Variants in PKP1 observed in about 807,000 individuals in gnomAD.
PKP1 encodes plakophilin 1.
In PKP1, 27 loss-of-function variants were observed where a neutral mutation model predicts 76.4. The observed-to-expected ratio is 0.35, with a 90% CI of 0.26 to 0.49. The LOEUF is 0.49. PKP1 is among the 20% of genes least tolerant of loss of function. The pLI is 0.99. For synonymous variants in PKP1, 404 were observed against 384.2 expected (o/e 1.05, Z -0.60); for missense variants, 964 against 955.2 (o/e 1.01, Z -0.12).
chr1:201,324,856 C>T (rs554942108), intron 10 of PKP1, 85 bp from the exon 11 acceptor site: 3 of 1,350,644 alleles, frequency 2.2e-6, no homozygotes, highest in Admixed American at 1.8e-5. Flanking sequence ...AGAAGGCTAT[C>T]GAAGAGTGTG....
intron 13 of PKP1, 63 bp downstream of exon 13, chr1:201,328,931 A>G (rs1657230499): frequency 9.9e-7 from 1 of 1,010,466 alleles, no homozygotes; most frequent in South Asian, 1.3e-5. Context: ...AGCCAGTCTC[A>G]GAGACAAGGG....
intron 2 of PKP1, among the ~76,000 whole-genome samples, chr1:201,297,497 C>T (rs1656108940): frequency 6.6e-6 from 1 of 152,208 alleles, no homozygotes; most frequent in African/African-American, 2.4e-5. Flanking sequence ...GAGCCCAACA[C>T]TGTTTGCATT....
intron 1 of PKP1, among the ~76,000 whole-genome samples, chr1:201,290,060 C>A (rs538886511): frequency 6.6e-6 from 1 of 152,064 alleles, no homozygotes; most frequent in Non-Finnish European, 1.5e-5. Context: ...GGTTTTGAGG[C>A]GAGAAAGCTT....
At chr1:201,294,972 C>T (rs1656030990) in intron 2 of PKP1, among the ~76,000 whole-genome samples, 1 of 152,188 alleles carries the variant, frequency 6.6e-6, no homozygotes, top group African/African-American at 2.4e-5. Context: ...CTATGACTTT[C>T]ATTTACTTTC....
Position 201,320,249 on chromosome 1 carries a change from C to T in PKP1, c.1233-18C>T. 1 of 1,551,160 alleles carries T rather than the reference C, an allele frequency of 6.4e-7. No homozygotes were observed. The highest frequency in any genetic ancestry group is 8.9e-7 in the Non-Finnish European group (1 of 1,123,032). The stretch of plus-strand genomic sequence containing the variant: ...TTCCCCCTTTCTCTGCCCTCTTCCA[C>T]CCTCTTCTCTCCCCCAGGAACCTGA... On this transcript the variant is annotated intron_variant, in intron 6 of 13. Coordinates refer to ENST00000367324, the MANE Select transcript of PKP1 (RefSeq NM_001005337.3).
intron 2 of PKP1, among the ~76,000 whole-genome samples, chr1:201,296,432 C>G (rs1022660792): frequency 8.5e-5 from 13 of 152,196 alleles, no homozygotes; most frequent in African/African-American, 3.1e-4. Flanking sequence ...ACCAATATGG[C>G]AGCAGAAGGC....
chr1:201,303,537 TAATA>T lies in PKP1; in HGVS notation c.306+9497_306+9500del, dbSNP rs1656293618. Among the ~76,000 whole-genome samples, 6 of 152,390 alleles carry T rather than the reference TAATA, an allele frequency of 3.9e-5. No homozygotes were observed. In the South Asian group the frequency reaches 1.2e-3, roughly 32 times the overall value. On this transcript the variant is annotated intron_variant, in intron 2 of 13. Transcript: ENST00000367324. ...TAACCACAACCTTGGTAATCAATTA[TAATA>T]AATAGAATAAAAACATAACATTAAT...
intron 2 of PKP1, among the ~76,000 whole-genome samples, chr1:201,308,839 C>T (rs894617514): frequency 4.6e-5 from 7 of 152,116 alleles, no homozygotes; most frequent in African/African-American, 7.2e-5. Context: ...GTGATGGCAT[C>T]GCAAGGCAGG....
intron 2 of PKP1, among the ~76,000 whole-genome samples, chr1:201,309,125 C>A (rs2102169208): frequency 6.6e-6 from 1 of 152,166 alleles, no homozygotes; most frequent in South Asian, 2.1e-4. Flanking sequence ...ATATTCAGTT[C>A]TTTGAGGCCC....
In PKP1 at chr1:201,302,553, G is replaced by A. The variant is rs569857234; in HGVS notation, c.306+8508G>A. ...ACAAATGCAGCAGAATTTCCCAAGC[G>A]GGTGGAAGAGCCGTCCCCACCCTTT... On this transcript the variant is annotated intron_variant, in intron 2 of 13. Transcript: ENST00000367324. Among the ~76,000 whole-genome samples the A allele has an allele frequency of 1.6e-4, 24 of 152,326 alleles. No homozygotes were observed. In the Middle Eastern group the frequency reaches 0.014, roughly 86 times the overall value.
In PKP1 at chr1:201,318,761, C is replaced by G. The variant is rs1404802260; in HGVS notation, c.1198C>G (p.Pro400Ala). Reference sequence around the variant, plus strand: ...CAACATGTCCCGGGAAGTGGTGGACCCTGAGGTCTTCTTCAATGCCACAGG... The same window carrying G: ...CAACATGTCCCGGGAAGTGGTGGACGCTGAGGTCTTCTTCAATGCCACAGG... Reference protein sequence around the residue: ...NSNMSREVVDPEVFFNATGCL... With the variant: ...NSNMSREVVDAEVFFNATGCL... The change falls in exon 6 of 14, where the codon CCT becomes GCT. Residue 400 changes from proline to alanine, a missense_variant. Physicochemically the swap from Pro to Ala is conservative, Grantham distance 27. Coordinates refer to ENST00000367324, the MANE Select transcript of PKP1 (RefSeq NM_001005337.3). 9.9e-6 allele frequency: 16 copies of G among 1,610,008 alleles called. No homozygotes were observed. The highest frequency in any genetic ancestry group is 3.3e-5 in the South Asian group (3 of 90,426).
chr1:201,289,489 G>A (rs1655837827), intron 1 of PKP1, among the ~76,000 whole-genome samples: 1 of 152,188 alleles, frequency 6.6e-6, no homozygotes, highest in Non-Finnish European at 1.5e-5. Flanking sequence ...AAGGATTTGA[G>A]GGGAGGGAAA....
chr1:201,283,953 C>T, intron 1 of PKP1, 49 bp downstream of exon 1: 1 of 1,538,698 alleles, frequency 6.5e-7, no homozygotes. Flanking sequence ...CCAGAGCACC[C>T]TGGCCCAGTG....
At chr1:201,312,951 G>A (rs1226626671) in intron 2 of PKP1, among the ~76,000 whole-genome samples, 14 of 152,148 alleles carry the variant, frequency 9.2e-5, no homozygotes, top group Admixed American at 9.2e-4. Flanking sequence ...GATGGCCATA[G>A]TCTTCTAAAT....
At chr1:201,295,894 A>G (rs951704049) in intron 2 of PKP1, among the ~76,000 whole-genome samples, 13 of 152,074 alleles carry the variant, frequency 8.5e-5, no homozygotes, top group Non-Finnish European at 1.6e-4. Flanking sequence ...AAAGAAAAAA[A>G]AAAAATCTTC....
At position 201,325,736 on chromosome 1, in the gene PKP1, C is replaced by G. The variant is rs376830386; in HGVS notation, c.2022-18C>G. 34 of 1,595,964 alleles carry G rather than the reference C, an allele frequency of 2.1e-5. No homozygotes were observed. Among genetic ancestry groups the G allele is most frequent in the Non-Finnish European group, 2.5e-5 (29 of 1,163,486 alleles). ...CTCCTGGAATCTCATCTCACAAATG[C>G]ACTTCTCACCTGCCCAGTGCCTCAC... On this transcript the variant is annotated intron_variant, in intron 11 of 13. Coordinates refer to ENST00000367324, the MANE Select transcript of PKP1 (RefSeq NM_001005337.3).
chr1:201,308,198 G>A (rs1558188079), intron 2 of PKP1, among the ~76,000 whole-genome samples: 1 of 148,536 alleles, frequency 6.7e-6, no homozygotes, highest in African/African-American at 2.4e-5. Flanking sequence ...GCCGTGCACC[G>A]GCACAGGCTG....
At chr1:201,313,748 C>A (rs1386565449) in intron 3 of PKP1, among the ~76,000 whole-genome samples, 188 bp downstream of exon 3, 2 of 152,244 alleles carry the variant, frequency 1.3e-5, no homozygotes, top group Non-Finnish European at 2.9e-5. Context: ...GGCCCTTGAA[C>A]TCAAGAAGTT....
chr1:201,303,413 C>T (rs963062891), intron 2 of PKP1, among the ~76,000 whole-genome samples: 2 of 152,150 alleles, frequency 1.3e-5, no homozygotes, highest in African/African-American at 4.8e-5. Context: ...CAGGCATGTG[C>T]CACCATGCCC....
Sources: allele counts gnomAD v4.1 joint callset (sites outside exome capture counted in the v4.1 genomes callset), GRCh38; gene constraint gnomAD v4.1.1; transcripts MANE v1.5; gene names NCBI Gene and HGNC (gene_info 2026-07-23, HGNC 2026-07-21).